Variants in RELN observed in about 807,000 individuals in gnomAD.
RELN encodes reelin.
In RELN, 108 loss-of-function variants were observed where a neutral mutation model predicts 427.6. The ratio of observed to expected loss-of-function variants is 0.25; its 90% CI spans 0.22 to 0.30. The LOEUF is 0.30. Among genes scored for constraint, RELN ranks in the 10% least tolerant of loss-of-function variants. RELN has a pLI of 1.00. For synonymous variants in RELN, 1,524 were observed against 1,513.4 expected (o/e 1.01, Z -0.16); for missense variants, 3,715 against 4,302.8 (o/e 0.86, Z 3.82).
At position 103,604,362 on chromosome 7, in the gene RELN, C is replaced by T. The variant is rs760250241; in HGVS notation, c.3130G>A (p.Asp1044Asn). 14 of 1,613,802 alleles carry T rather than the reference C, an allele frequency of 8.7e-6. No individual in the cohort carries two copies. Among genetic ancestry groups the T allele is most frequent in the South Asian group, 2.2e-5 (2 of 91,068 alleles). The change falls in exon 23 of 65, where the codon GAT becomes AAT. Residue 1044 changes from aspartate (D) to asparagine (N), a missense_variant. Transcript: ENST00000428762. ...TGCACATACCTGCATATGCCATGATCGCATGAGCCATGCCCACTGCACATG... is the reference window on the plus strand; with the variant it reads ...TGCACATACCTGCATATGCCATGATTGCATGAGCCATGCCCACTGCACATG... ...PNMCSGHGSC[D>N]HGICRCDQGY...
intron 8 of RELN, among the ~76,000 whole-genome samples, chr7:103,708,747 A>G (rs1789708523): frequency 6.6e-6 from 1 of 151,792 alleles, no homozygotes; most frequent in African/African-American, 2.4e-5. Flanking sequence ...ACAGGGTATG[A>G]CTCTTAACGC....
chr7:103,482,857 T>C lies in RELN; in HGVS notation c.10280+16A>G, dbSNP rs1828291367. 2.5e-6 allele frequency: 4 copies of C among 1,614,072 alleles called. No individual in the cohort carries two copies. The highest frequency in any genetic ancestry group is 3.4e-6 in the Non-Finnish European group (4 of 1,179,948). The stretch of plus-strand genomic sequence containing the variant: ...TTCCTGAAATGGACATGGGATGCCA[T>C]GTAATAGATACTCACAGGACGACCT... On this transcript the variant is annotated intron_variant, in intron 63 of 64. Transcript: ENST00000428762.
intron 24 of RELN, among the ~76,000 whole-genome samples, chr7:103,596,954 C>G (rs942090273): frequency 2.0e-5 from 3 of 152,088 alleles, no homozygotes; most frequent in Admixed American, 6.6e-5. Context: ...AAAATTTTAA[C>G]GAAAACACTC....
intron 22 of RELN, among the ~76,000 whole-genome samples, chr7:103,609,372 T>C (rs1210961659): frequency 6.6e-6 from 1 of 152,236 alleles, no homozygotes; most frequent in African/African-American, 2.4e-5. Flanking sequence ...GCTTTGAGTA[T>C]GACCAGTATT....
intron 20 of RELN, among the ~76,000 whole-genome samples, chr7:103,616,897 A>G (rs1832093334): frequency 6.6e-6 from 1 of 152,134 alleles, no homozygotes. Flanking sequence ...TTGTCCAATT[A>G]TTTTCTTGGG....
chr7:103,872,028 A>ATTTTTTTTT (rs142665123), intron 2 of RELN, among the ~76,000 whole-genome samples: 8 of 104,746 alleles, frequency 7.6e-5, no homozygotes, highest in Non-Finnish European at 1.6e-4. Flanking sequence ...ATATATATAT[A>ATTTTTTTTT]TATTTTTCTT....
chr7:103,864,885 C>CG (rs71519162), intron 2 of RELN, among the ~76,000 whole-genome samples: 21,823 of 151,588 alleles, frequency 0.14, 1,858 homozygotes, highest in East Asian at 0.34. Context: ...AGAAATGAAA[C>CG]GGTAAGAGAC....
At chr7:103,672,235 C>T (rs1041539650) in intron 11 of RELN, among the ~76,000 whole-genome samples, 2 of 152,090 alleles carry the variant, frequency 1.3e-5, no homozygotes, top group Non-Finnish European at 1.5e-5. Context: ...TTCATTGGTT[C>T]TCTCTCTTGG....
chr7:103,944,117 G>A (rs1796171325), intron 1 of RELN, among the ~76,000 whole-genome samples: 1 of 152,076 alleles, frequency 6.6e-6, no homozygotes, highest in African/African-American at 2.4e-5. Flanking sequence ...ACTTACTGCA[G>A]GCGAATGGAG....
chr7:103,766,384 A>G (rs184224789), intron 4 of RELN, among the ~76,000 whole-genome samples: 20 of 152,340 alleles, frequency 1.3e-4, no homozygotes, highest in African/African-American at 3.6e-4. Context: ...TTAAAACCCA[A>G]TTCTGACAAT....
At chr7:103,594,799 A>G (rs1015793089) in intron 25 of RELN, among the ~76,000 whole-genome samples, 10 of 152,232 alleles carry the variant, frequency 6.6e-5, no homozygotes, top group Admixed American at 2.6e-4. Context: ...CTTTTTAAAG[A>G]AATATCAAGA....
At chr7:103,760,887 C>T (rs936350880) in intron 4 of RELN, among the ~76,000 whole-genome samples, 2 of 115,114 alleles carry the variant, frequency 1.7e-5, no homozygotes, top group African/African-American at 1.0e-4. Context: ...CTTTCATCTC[C>T]CCAGGAATAA....
chr7:103,963,217 A>G (rs1262865715), intron 1 of RELN, among the ~76,000 whole-genome samples: 1 of 147,666 alleles, frequency 6.8e-6, no homozygotes, highest in Non-Finnish European at 1.5e-5. Context: ...CTTCCTATAC[A>G]AGCCTTTTCT....
At chr7:103,942,201 A>T (rs1049051894) in intron 1 of RELN, among the ~76,000 whole-genome samples, 12 of 152,200 alleles carry the variant, frequency 7.9e-5, no homozygotes, top group Non-Finnish European at 5.9e-5. Context: ...GGATACAATA[A>T]TTAATAGTTA....
chr7:103,660,596 T>C (rs1404805170), intron 12 of RELN, among the ~76,000 whole-genome samples: 1 of 152,196 alleles, frequency 6.6e-6, no homozygotes, highest in Non-Finnish European at 1.5e-5. Flanking sequence ...GGAGATCTGT[T>C]TGTCCTGATG....
chr7:103,590,381 G>A (rs1174880442), intron 27 of RELN, among the ~76,000 whole-genome samples: 1 of 151,998 alleles, frequency 6.6e-6, no homozygotes, highest in African/African-American at 2.4e-5. Context: ...GGCCAAGATG[G>A]TAAAACCCTG....
intron 27 of RELN, among the ~76,000 whole-genome samples, chr7:103,592,431 T>C (rs144721107): frequency 3.0e-4 from 46 of 152,324 alleles, no homozygotes; most frequent in Non-Finnish European, 3.2e-4. Flanking sequence ...CTTTATCCAG[T>C]CTACCACAGA....
intron 3 of RELN, among the ~76,000 whole-genome samples, chr7:103,780,088 C>T (rs1162393211): frequency 6.6e-6 from 1 of 152,214 alleles, no homozygotes; most frequent in Non-Finnish European, 1.5e-5. Context: ...ACCCTTCAGG[C>T]TAAAGCCATT....
chr7:103,628,427 C>G (rs1477202847), intron 20 of RELN: 1 of 152,216 alleles, frequency 6.6e-6, no homozygotes, highest in Non-Finnish European at 1.5e-5. Context: ...TGCAATATAA[C>G]CTTCCCTACT....
Sources: gnomAD v4.1 joint callset for allele counts (sites outside exome capture counted in the v4.1 genomes callset) on GRCh38, gnomAD v4.1.1 for gene constraint, MANE v1.5 for transcripts, NCBI Gene and HGNC (gene_info 2026-07-23, HGNC 2026-07-21) for gene names.